Variants in UBTD1 observed in about 807,000 individuals in gnomAD.
UBTD1 encodes the protein ubiquitin domain containing 1.
In UBTD1, 19 loss-of-function variants were observed where a neutral mutation model predicts 21.7. The observed-to-expected ratio is 0.87, with a 90% CI of 0.61 to 1.28. The LOEUF is 1.28. Ranked by LOEUF, UBTD1 falls within the 50% of genes most tolerant of loss-of-function variation. UBTD1 has a pLI of 0.00. For missense variants in UBTD1, 282 were observed against 315.1 expected, an observed-to-expected ratio of 0.89 and a Z score of 0.80; for synonymous variants, 116 against 135.1, an observed-to-expected ratio of 0.86 and a Z score of 0.98.
At chr10:97,547,532 A>C (rs190995065) in intron 1 of UBTD1, among the ~76,000 whole-genome samples, 117 of 152,230 alleles carry the variant, frequency 7.7e-4, no homozygotes, top group Non-Finnish European at 6.9e-4. Flanking sequence ...CCGCGAAATA[A>C]AGACCAAGAC....
intron 1 of UBTD1, among the ~76,000 whole-genome samples, chr10:97,548,962 T>A (rs1338554809): frequency 6.6e-6 from 1 of 152,150 alleles, no homozygotes; most frequent in African/African-American, 2.4e-5. Flanking sequence ...CAGGCTGGAC[T>A]CACGGACCAG....
At chr10:97,509,657 TC>T (rs906554200) in intron 1 of UBTD1, among the ~76,000 whole-genome samples, 1 of 151,876 alleles carries the variant, frequency 6.6e-6, no homozygotes, top group Non-Finnish European at 1.5e-5. Flanking sequence ...TCCTTTTTTT[TC>T]CCCCCACCCT....
intron 1 of UBTD1, among the ~76,000 whole-genome samples, chr10:97,522,410 T>C (rs1302503828): frequency 2.0e-5 from 3 of 152,222 alleles, no homozygotes; most frequent in Non-Finnish European, 2.9e-5. Context: ...TGTGCTTCCT[T>C]TGTGTCTCTC....
chr10:97,510,043 A>G (rs751645421), intron 1 of UBTD1, among the ~76,000 whole-genome samples: 2 of 151,324 alleles, frequency 1.3e-5, no homozygotes, highest in Non-Finnish European at 2.9e-5. Context: ...GCTCACTGCA[A>G]TCTCTGCCTC....
chr10:97,531,812 T>C (rs571192026), intron 1 of UBTD1, among the ~76,000 whole-genome samples: 2 of 152,280 alleles, frequency 1.3e-5, no homozygotes, highest in East Asian at 3.9e-4. Context: ...GTCTCCCCTG[T>C]GGTTTCCAGG....
At chr10:97,505,388 A>G (rs1232667826) in intron 1 of UBTD1, among the ~76,000 whole-genome samples, 1 of 152,214 alleles carries the variant, frequency 6.6e-6, no homozygotes, top group Non-Finnish European at 1.5e-5. Flanking sequence ...GTTGAGGTCA[A>G]GTGTATTCAA....
At chr10:97,516,592 G>T (rs1214296077) in intron 1 of UBTD1, among the ~76,000 whole-genome samples, 1 of 151,874 alleles carries the variant, frequency 6.6e-6, no homozygotes, top group Non-Finnish European at 1.5e-5. Flanking sequence ...TGGCTAACGT[G>T]GTGAAACCCC....
intron 1 of UBTD1, among the ~76,000 whole-genome samples, chr10:97,547,322 GAGCC>G (rs2040615751): frequency 6.6e-6 from 1 of 152,106 alleles, no homozygotes; most frequent in East Asian, 1.9e-4. Context: ...GTAGCAAAGG[GAGCC>G]AGCCAGATAC....
intron 1 of UBTD1, among the ~76,000 whole-genome samples, chr10:97,519,652 G>A (rs2040458844): frequency 1.3e-5 from 2 of 152,056 alleles, no homozygotes; most frequent in Admixed American, 1.3e-4. Flanking sequence ...TCTCATTTTA[G>A]CTTTGGAAAA....
intron 1 of UBTD1, among the ~76,000 whole-genome samples, chr10:97,503,795 A>G (rs2040387495): frequency 6.6e-6 from 1 of 152,196 alleles, no homozygotes; most frequent in East Asian, 1.9e-4. Flanking sequence ...CAGTAAACAC[A>G]TAGTCATGCA....
At chr10:97,511,231 G>C (rs1430749635) in intron 1 of UBTD1, among the ~76,000 whole-genome samples, 1 of 152,164 alleles carries the variant, frequency 6.6e-6, no homozygotes, top group Non-Finnish European at 1.5e-5. Flanking sequence ...CACTGTAGTA[G>C]GTACTTACAC....
At chr10:97,561,088 A>T (rs1461596322) in intron 1 of UBTD1, among the ~76,000 whole-genome samples, 1 of 152,062 alleles carries the variant, frequency 6.6e-6, no homozygotes, top group Non-Finnish European at 1.5e-5. Flanking sequence ...GACTCCAAGT[A>T]CCGGTTCCTT....
chr10:97,518,327 G>T (rs953597213), intron 1 of UBTD1, among the ~76,000 whole-genome samples: 1 of 152,164 alleles, frequency 6.6e-6, no homozygotes, highest in African/African-American at 2.4e-5. Context: ...CTGCCTGGCA[G>T]CCTGGTTCTT....
At position 97,499,261 on chromosome 10, in the gene UBTD1, C is replaced by G. The variant is rs1250313963; in HGVS notation, c.58C>G (p.Arg20Gly). The G allele has an allele frequency of 6.5e-7, 1 of 1,548,640 alleles. No homozygotes were observed. Among genetic ancestry groups the G allele is most frequent in the South Asian group, 1.2e-5 (1 of 83,590 alleles). Residue 20 changes from arginine to glycine, a missense_variant, in exon 1 of 3, where the codon CGC becomes GGC. By Grantham distance (125) the Arg-to-Gly change is moderately radical (BLOSUM62 -2). Transcript: ENST00000370664. ...GAGGCCGGCAGCCCCGGGACACCCCCGCAAGCGAGCAGGTAACGATGGGGA... is the reference window on the plus strand; with the variant it reads ...GAGGCCGGCAGCCCCGGGACACCCCGGCAAGCGAGCAGGTAACGATGGGGA... ...RERPAAPGHP[R>G]KRAGRNEPLK...
chr10:97,535,272 G>A (rs2040554658), intron 1 of UBTD1, among the ~76,000 whole-genome samples: 1 of 152,158 alleles, frequency 6.6e-6, no homozygotes, highest in Admixed American at 6.6e-5. Flanking sequence ...CAACAGCTAG[G>A]TCTTAGCATT....
At chr10:97,531,633 A>G (rs999407729) in intron 1 of UBTD1, among the ~76,000 whole-genome samples, 1 of 152,358 alleles carries the variant, frequency 6.6e-6, no homozygotes, top group Non-Finnish European at 1.5e-5. Context: ...TCACTGGGTC[A>G]TGGAGCCAGT....
intron 1 of UBTD1, among the ~76,000 whole-genome samples, chr10:97,534,554 C>T (rs2040550272): frequency 6.8e-6 from 1 of 146,324 alleles, no homozygotes; most frequent in Non-Finnish European, 1.5e-5. Flanking sequence ...AAGCTTAAGG[C>T]ACTAAGGAAC....
intron 1 of UBTD1, among the ~76,000 whole-genome samples, chr10:97,512,043 G>A (rs894888526): frequency 2.0e-5 from 3 of 152,118 alleles, no homozygotes; most frequent in African/African-American, 7.2e-5. Flanking sequence ...TTACTACATC[G>A]GCCTTATCCC....
intron 1 of UBTD1, among the ~76,000 whole-genome samples, chr10:97,561,585 C>T (rs1043183335): frequency 2.6e-5 from 4 of 152,112 alleles, no homozygotes; most frequent in South Asian, 2.1e-4. Flanking sequence ...GAGAGTTTCA[C>T]GATGTTCTTC....
Sources: gnomAD v4.1 joint callset for allele counts (sites outside exome capture counted in the v4.1 genomes callset) on GRCh38, gnomAD v4.1.1 for gene constraint, MANE v1.5 for transcripts, NCBI Gene and HGNC (gene_info 2026-07-23, HGNC 2026-07-21) for gene names.